The following SLC45A2 variants were observed in gnomAD, a reference collection of about 807,000 sequenced individuals.
SLC45A2 encodes membrane-associated transporter protein.
Under a neutral mutation model 45.5 loss-of-function variants are expected in SLC45A2, and 36 were observed. The ratio of observed to expected loss-of-function variants is 0.79; its 90% CI spans 0.61 to 1.04. The LOEUF (loss-of-function observed/expected upper bound fraction) is 1.04. Among genes scored for constraint, SLC45A2 ranks in the 50% least tolerant of loss-of-function variants. SLC45A2 has a pLI of 0.00. For synonymous variants in SLC45A2, 306 were observed against 269.3 expected, an observed-to-expected ratio of 1.14 and a Z score of -1.33; for missense variants, 719 against 671.0, an observed-to-expected ratio of 1.07 and a Z score of -0.79.
chr5:33,980,078 C>T (rs1347483268), intron 2 of SLC45A2, among the ~76,000 whole-genome samples: 1 of 152,110 alleles, frequency 6.6e-6, no homozygotes, highest in African/African-American at 2.4e-5. Context: ...CTCCCATGAC[C>T]TTGTAATTAA....
In SLC45A2 at chr5:33,984,317, T is replaced by G; in HGVS notation, c.267A>C (p.Gly89=). The part of the protein sequence containing the change: ...ILGFLLQPVV[G]SASDHCRSRW... The stretch of plus-strand genomic sequence containing the variant: ...TGGACCGGCAGTGGTCGCTGGCCGA[T>G]CCGACCACGGGCTGCAGCAGGAATC... The change falls in exon 1 of 7, where the codon GGA becomes GGC. Residue 89 remains glycine (G), a synonymous_variant. Coordinates refer to ENST00000296589, the MANE Select transcript of SLC45A2 (RefSeq NM_016180.5). 1 of 1,614,116 alleles carries G rather than the reference T, an allele frequency of 6.2e-7. No individual in the cohort carries two copies.
rs1487286416 is a variant in SLC45A2 at position 33,951,366 on chromosome 5, C to T, written c.1156+188G>A. On this transcript the variant is annotated intron_variant, in intron 5 of 6. Coordinates refer to ENST00000296589, the MANE Select transcript of SLC45A2 (RefSeq NM_016180.5). ...AAAGTAATCAGTGAGGAAATGACAC[C>T]TAGAATTCATGATGAAAAAAGGATG... 2.9e-5 allele frequency: 42 copies of T among 1,460,684 alleles called. No individual in the cohort carries two copies. In the Admixed American group the frequency reaches 9.8e-4, roughly 34 times the overall value. The allele number at this position is 1,460,684 out of a possible 1,614,324, so 90.5% of individuals were successfully genotyped here.
chr5:33,963,225 G>C (rs1752499180), intron 3 of SLC45A2, among the ~76,000 whole-genome samples: 1 of 152,120 alleles, frequency 6.6e-6, no homozygotes, highest in Non-Finnish European at 1.5e-5. Flanking sequence ...CAAATTTTAA[G>C]CTGATGAATT....
intron 2 of SLC45A2, chr5:33,971,001 T>C (rs1364979862): frequency 6.0e-6 from 3 of 498,874 alleles, no homozygotes; most frequent in Non-Finnish European, 1.2e-5. Context: ...GAAAATGATC[T>C]GAAGGCCCTA....
intron 2 of SLC45A2, chr5:33,972,026 GCCACCACACC>G: frequency 2.1e-6 from 1 of 465,788 alleles, no homozygotes; most frequent in Non-Finnish European, 4.3e-6. Context: ...ACAGGTGTGA[GCCACCACACC>G]TGGCCAGGAC....
At chr5:33,958,075 C>A (rs1752331149) in intron 3 of SLC45A2, among the ~76,000 whole-genome samples, 1 of 152,144 alleles carries the variant, frequency 6.6e-6, no homozygotes, top group Admixed American at 6.5e-5. Context: ...GCACCACTGT[C>A]AGCTGGAGAC....
intron 4 of SLC45A2, among the ~76,000 whole-genome samples, chr5:33,952,316 C>G (rs1011317775): frequency 4.0e-5 from 6 of 151,852 alleles, no homozygotes; most frequent in South Asian, 2.1e-4. Flanking sequence ...CTTTTTGAAG[C>G]CTGCCATGAT....
intron 2 of SLC45A2, among the ~76,000 whole-genome samples, chr5:33,964,436 A>T (rs773740721): frequency 6.6e-6 from 1 of 152,214 alleles, no homozygotes; most frequent in African/African-American, 2.4e-5. Context: ...AAAAGCCCCA[A>T]AGAAAACCAA....
Position 33,982,401 on chromosome 5 carries a change from T to C in SLC45A2, c.397A>G (p.Asn133Asp). ...GATVVAALIA[N>D]PRRKLVWAIS... ...GCCCAAACCAGCTTCCTCCTTGGGT[T>C]AGCAATCAAAGCTAAAAGAAAAATA... Residue 133 changes from asparagine to aspartate, a missense_variant, in exon 2 of 7, where the codon AAC (asparagine) becomes GAC (aspartate). Coordinates refer to ENST00000296589, the MANE Select transcript of SLC45A2 (RefSeq NM_016180.5). The C allele has an allele frequency of 6.2e-7, 1 of 1,614,174 alleles. No individual in the cohort carries two copies. Among genetic ancestry groups the C allele is most frequent in the Non-Finnish European group, 8.5e-7 (1 of 1,180,008 alleles).
intron 2 of SLC45A2, among the ~76,000 whole-genome samples, chr5:33,976,905 C>A (rs921355893): frequency 6.6e-6 from 1 of 152,112 alleles, no homozygotes; most frequent in Non-Finnish European, 1.5e-5. Flanking sequence ...TCAGCGGCAA[C>A]AAGGGTAAAA....
At chr5:33,964,907 G>A (rs1752560456) in intron 2 of SLC45A2, among the ~76,000 whole-genome samples, 1 of 152,208 alleles carries the variant, frequency 6.6e-6, no homozygotes, top group South Asian at 2.1e-4. Context: ...TTCTGGTGCA[G>A]ACATCAGTGA....
intron 5 of SLC45A2, among the ~76,000 whole-genome samples, chr5:33,951,234 A>G (rs191071578): frequency 5.6e-4 from 86 of 152,346 alleles, no homozygotes; most frequent in Non-Finnish European, 8.8e-5. Flanking sequence ...ATCTTGCTCC[A>G]GTAGAACACG....
In SLC45A2 at chr5:33,984,655, G is replaced by A. The variant is rs2112022777; in HGVS notation, c.-72C>T. The A allele has an allele frequency of 6.3e-7, 1 of 1,593,796 alleles. No individual in the cohort carries two copies. The highest frequency in any genetic ancestry group is 8.5e-7 in the Non-Finnish European group (1 of 1,175,722). On this transcript the variant is annotated 5_prime_UTR_variant, in exon 1 of 7. Transcript: ENST00000296589. ...GGTCCTAGGGTCTGTGTTTCAAACT[G>A]GATTTGACGTGGAGCCTGGCCGAGC...
At chr5:33,964,227 T>C (rs1003070200) in intron 2 of SLC45A2, among the ~76,000 whole-genome samples, 1 of 152,220 alleles carries the variant, frequency 6.6e-6, no homozygotes, top group Non-Finnish European at 1.5e-5. Context: ...TGCTGTGATC[T>C]TGGGCTTCCT....
intron 6 of SLC45A2, 35 bp downstream of exon 6, chr5:33,947,128 A>T: frequency 6.2e-7 from 1 of 1,614,156 alleles, no homozygotes; most frequent in Non-Finnish European, 8.5e-7. Flanking sequence ...ATGAGTCTGG[A>T]TGTTACCCAA....
rs1367399959 is a variant in SLC45A2, at chr5:33,951,582, G to T, written c.1128C>A (p.Ile376=). 3 of 1,614,042 alleles carry T rather than the reference G, an allele frequency of 1.9e-6. No homozygotes were observed. The highest frequency in any genetic ancestry group is 2.5e-6 in the Non-Finnish European group (3 of 1,180,008). ...AATAAAGTGAGGAAAACACGGAGTT[G>T]ATGCACAAGCCCCAACATCCAACCT... ...GVEVGCWGLC[I]NSVFSSLYSY... The change falls in exon 5 of 7, where the codon ATC becomes ATA. Residue 376 remains isoleucine (I), a synonymous_variant. Coordinates refer to ENST00000296589, the MANE Select transcript of SLC45A2 (RefSeq NM_016180.5).
chr5:33,961,705 C>T (rs1752462132), intron 3 of SLC45A2, among the ~76,000 whole-genome samples: 1 of 152,154 alleles, frequency 6.6e-6, no homozygotes, highest in African/African-American at 2.4e-5. Flanking sequence ...CCAGAGAAAA[C>T]ACAGTTGATC....
At chr5:33,951,783 G>T in intron 4 of SLC45A2, 106 bp from the exon 5 acceptor site, 1 of 1,420,814 alleles carries the variant, frequency 7.0e-7, no homozygotes, top group South Asian at 1.1e-5. Flanking sequence ...CCTGCCTGAG[G>T]GACCCTTTCT....
intron 3 of SLC45A2, among the ~76,000 whole-genome samples, chr5:33,960,802 G>A (rs1192552961): frequency 1.3e-5 from 2 of 152,098 alleles, no homozygotes; most frequent in Non-Finnish European, 2.9e-5. Context: ...AAAAACTGGT[G>A]AAATTCAAAT....
Sources: gnomAD v4.1 joint callset for allele counts (sites outside exome capture counted in the v4.1 genomes callset) on GRCh38, gnomAD v4.1.1 for gene constraint, MANE v1.5 for transcripts, NCBI Gene and HGNC (gene_info 2026-07-23, HGNC 2026-07-21) for gene names.